The following COPG2 variants were observed in gnomAD, a reference collection of about 807,000 sequenced individuals.
The protein encoded by COPG2 is coat protein complex I subunit gamma 2.
In COPG2, 37 loss-of-function variants were observed where a neutral mutation model predicts 46.3. The ratio of observed to expected loss-of-function variants is 0.80; its 90% CI spans 0.61 to 1.05. The LOEUF is 1.05. Among genes scored for constraint, COPG2 ranks in the 50% least tolerant of loss-of-function variants. COPG2 has a pLI of 0.00. For missense variants in COPG2, 427 were observed against 387.8 expected (o/e 1.10, Z -0.85); for synonymous variants, 159 against 129.7 (o/e 1.23, Z -1.53).
At chr7:130,528,142 G>A (rs1799791209) in intron 20 of COPG2, among the ~76,000 whole-genome samples, 1 of 152,138 alleles carries the variant, frequency 6.6e-6, no homozygotes, top group African/African-American at 2.4e-5. Context: ...GTTTCAGGCA[G>A]GGCGGGAGAG....
chr7:130,522,351 A>C (rs1799730913), intron 20 of COPG2, among the ~76,000 whole-genome samples: 1 of 152,228 alleles, frequency 6.6e-6, no homozygotes, highest in Non-Finnish European at 1.5e-5. Context: ...TGGGGATAAG[A>C]GGAGTGGGGA....
intron 9 of COPG2, among the ~76,000 whole-genome samples, chr7:130,589,301 C>A (rs1266019057): frequency 6.7e-6 from 1 of 149,926 alleles, no homozygotes; most frequent in Non-Finnish European, 1.5e-5. Flanking sequence ...TTTTAAGAGT[C>A]GGGTCTCACT....
At chr7:130,519,928 A>G (rs1278924042) in intron 20 of COPG2, among the ~76,000 whole-genome samples, 1 of 152,224 alleles carries the variant, frequency 6.6e-6, no homozygotes, top group Non-Finnish European at 1.5e-5. Flanking sequence ...TTGAAGTCTT[A>G]GTGGGAAATT....
chr7:130,566,669 G>A (rs1218441759), intron 9 of COPG2, among the ~76,000 whole-genome samples: 1 of 152,150 alleles, frequency 6.6e-6, no homozygotes, highest in Non-Finnish European at 1.5e-5. Flanking sequence ...GGAGGGAGGG[G>A]TCTGAGGGTT....
chr7:130,596,564 A>G (rs1554449704), intron 9 of COPG2, among the ~76,000 whole-genome samples: 1 of 152,156 alleles, frequency 6.6e-6, no homozygotes, highest in African/African-American at 2.4e-5. Context: ...CCTGGGCAAC[A>G]CTAGGGCTCC....
At position 130,511,003 on chromosome 7, in the gene COPG2, G is replaced by GT. The variant is rs1554440944; in HGVS notation, c.2150-2345dup. The GT allele has an allele frequency of 5.8e-6, 3 of 518,982 alleles. No individual in the cohort carries two copies. The Admixed American group carries it at 5.8e-5, about 10-fold the overall frequency. The allele number at this position is 518,982 out of a possible 1,614,324, so 32.1% of individuals were successfully genotyped here. A position where few individuals can be genotyped will look rare whatever the true frequency, so the allele number is the denominator to read the frequency against. ...TGTTCTCTGAAATTAAGCTTGTCTT[G>GT]TGAGGATTCACTGAAAATGAGAGTC... On this transcript the variant is annotated intron_variant, in intron 20 of 23. Coordinates refer to ENST00000425248, the MANE Select transcript of COPG2 (RefSeq NM_012133.6).
chr7:130,546,232 T>C (rs1312996811), intron 20 of COPG2, among the ~76,000 whole-genome samples: 3 of 152,154 alleles, frequency 2.0e-5, no homozygotes, highest in African/African-American at 7.2e-5. Flanking sequence ...CAGACAATGG[T>C]AGAAACCACA....
intron 20 of COPG2, among the ~76,000 whole-genome samples, chr7:130,544,718 A>G (rs1426762851): frequency 6.6e-6 from 1 of 152,186 alleles, no homozygotes; most frequent in Non-Finnish European, 1.5e-5. Flanking sequence ...CAGGGGAAAC[A>G]GAGCTGCTGA....
At chr7:130,602,101 C>A (rs1554450419) in intron 9 of COPG2, among the ~76,000 whole-genome samples, 1 of 152,166 alleles carries the variant, frequency 6.6e-6, no homozygotes. Context: ...TCTCTCAGAT[C>A]CCTGACCATA....
chr7:130,545,194 TCA>T, intron 20 of COPG2, among the ~76,000 whole-genome samples: 1 of 138,882 alleles, frequency 7.2e-6, no homozygotes, highest in Non-Finnish European at 1.5e-5. Context: ...TCATTTCATT[TCA>T]TTTCATTTCA....
At chr7:130,603,084 T>C (rs1794666853) in intron 9 of COPG2, among the ~76,000 whole-genome samples, 1 of 152,202 alleles carries the variant, frequency 6.6e-6, no homozygotes, top group South Asian at 2.1e-4. Flanking sequence ...GCAAAAATTA[T>C]ATGGAAAAAT....
intron 9 of COPG2, among the ~76,000 whole-genome samples, chr7:130,569,164 C>T (rs1265769828): frequency 3.3e-5 from 5 of 151,924 alleles, no homozygotes; most frequent in Non-Finnish European, 5.9e-5. Context: ...CAAGAACAAA[C>T]CAAACCTAAA....
At chr7:130,568,379 T>C (rs1333526690) in intron 9 of COPG2, among the ~76,000 whole-genome samples, 1 of 152,146 alleles carries the variant, frequency 6.6e-6, no homozygotes, top group African/African-American at 2.4e-5. Flanking sequence ...AGGTATTCCA[T>C]GCAAATGGAC....
intron 3 of COPG2, among the ~76,000 whole-genome samples, chr7:130,664,956 G>A (rs782343795): frequency 9.2e-5 from 14 of 152,236 alleles, no homozygotes; most frequent in East Asian, 3.9e-4. Flanking sequence ...TGAGGTGGGC[G>A]GATCACCTAA....
chr7:130,603,351 G>T (rs1359288130), intron 9 of COPG2, among the ~76,000 whole-genome samples: 3 of 152,042 alleles, frequency 2.0e-5, no homozygotes, highest in Non-Finnish European at 2.9e-5. Flanking sequence ...TTCCATTATT[G>T]TATACTATCT....
intron 1 of COPG2, 64 bp from the exon 2 acceptor site, chr7:130,667,598 C>G: frequency 7.5e-7 from 1 of 1,332,382 alleles, no homozygotes; most frequent in Non-Finnish European, 1.1e-6. Flanking sequence ...TATATACTTT[C>G]CAGAGAAGGG....
intron 4 of COPG2, among the ~76,000 whole-genome samples, chr7:130,658,579 AGGCAAGCCACAGACT>A (rs1795903540): frequency 6.6e-6 from 1 of 152,260 alleles, no homozygotes; most frequent in Non-Finnish European, 1.5e-5. Context: ...GTAAATGAAA[AGGCAAGCCACAGACT>A]GGGAGGAAAT....
Position 130,661,701 on chromosome 7 carries a change from T to A in COPG2, c.243+1266A>T, listed in dbSNP as rs148860178. On this transcript the variant is annotated intron_variant, in intron 4 of 23. Coordinates refer to ENST00000425248, the MANE Select transcript of COPG2 (RefSeq NM_012133.6). Reference sequence around the variant, plus strand: ...GACCTACAGAAGACAAAGCCTTGGGTAACTAACTAGTGGATGCCATAGAAG... The same window carrying A: ...GACCTACAGAAGACAAAGCCTTGGGAAACTAACTAGTGGATGCCATAGAAG... Among the ~76,000 whole-genome samples, 4 of 152,336 alleles carry A rather than the reference T, an allele frequency of 2.6e-5. No homozygotes were observed. The East Asian group carries it at 7.7e-4, about 29-fold the overall frequency.
At chr7:130,603,662 AG>A (rs1237428925) in intron 9 of COPG2, among the ~76,000 whole-genome samples, 22 of 147,378 alleles carry the variant, frequency 1.5e-4, no homozygotes, top group Admixed American at 3.5e-4. Flanking sequence ...CAGAGGTTGC[AG>A]TGAGCCAAGA....
Sources: allele counts gnomAD v4.1 joint callset (sites outside exome capture counted in the v4.1 genomes callset), GRCh38; gene constraint gnomAD v4.1.1; transcripts MANE v1.5; gene names NCBI Gene and HGNC (gene_info 2026-07-23, HGNC 2026-07-21).